The following DDC variants were observed in gnomAD, a reference collection of about 807,000 sequenced individuals.
The protein encoded by DDC is dopa decarboxylase.
Under a neutral mutation model 60.0 loss-of-function variants are expected in DDC, and 43 were observed. The observed-to-expected ratio is 0.72, with a 90% CI of 0.56 to 0.92. The LOEUF (loss-of-function observed/expected upper bound fraction) is 0.92, where lower values mean the gene tolerates loss of function less well. Among genes scored for constraint, DDC ranks in the 40% least tolerant of loss-of-function variants. The pLI, the probability that DDC is intolerant of heterozygous loss-of-function variation, is 0.00. For missense variants in DDC, 573 were observed against 620.2 expected, an observed-to-expected ratio of 0.92 and a Z score of 0.81; for synonymous variants, 232 against 234.6, an observed-to-expected ratio of 0.99 and a Z score of 0.10.
intron 12 of DDC, among the ~76,000 whole-genome samples, chr7:50,469,475 C>A (rs2042481026): frequency 6.6e-6 from 1 of 152,076 alleles, no homozygotes; most frequent in Admixed American, 6.5e-5. Context: ...AAAACACAGT[C>A]CTTATGTTCT....
At chr7:50,529,437 T>G in intron 4 of DDC, 95 bp from the exon 5 acceptor site, 1 of 1,495,810 alleles carries the variant, frequency 6.7e-7, no homozygotes, top group South Asian at 1.2e-5. Context: ...GTCCATAGTT[T>G]TCTTAAAATA....
intron 1 of DDC, among the ~76,000 whole-genome samples, chr7:50,555,423 C>T (rs560368393): frequency 6.6e-6 from 1 of 152,284 alleles, no homozygotes; most frequent in East Asian, 1.9e-4. Context: ...AAGGAAAGGA[C>T]TGTCCCAGGT....
At chr7:50,467,540 TTTC>T (rs2042425685) in intron 12 of DDC, among the ~76,000 whole-genome samples, 1 of 152,202 alleles carries the variant, frequency 6.6e-6, no homozygotes, top group South Asian at 2.1e-4. Context: ...CAATTGTCAT[TTTC>T]TTCTGTTCAT....
intron 1 of DDC, among the ~76,000 whole-genome samples, chr7:50,560,448 T>C (rs956703442): frequency 2.0e-5 from 3 of 152,200 alleles, no homozygotes; most frequent in African/African-American, 7.2e-5. Context: ...TGAGCACCTA[T>C]TGTGTGCCCG....
At chr7:50,496,703 T>A (rs1005582161) in intron 8 of DDC, among the ~76,000 whole-genome samples, 3 of 152,184 alleles carry the variant, frequency 2.0e-5, no homozygotes, top group African/African-American at 7.2e-5. Context: ...GGATTCATAA[T>A]TGATACCGAA....
intron 8 of DDC, among the ~76,000 whole-genome samples, chr7:50,497,006 G>C (rs1187884633): frequency 6.6e-6 from 1 of 152,222 alleles, no homozygotes; most frequent in Non-Finnish European, 1.5e-5. Flanking sequence ...GATAAAAGGA[G>C]ACAAAAGGTT....
chr7:50,470,031 C>T (rs1236376999), intron 12 of DDC, 42 bp downstream of exon 12: 2 of 1,244,982 alleles, frequency 1.6e-6, no homozygotes, highest in Non-Finnish European at 2.4e-6. Context: ...TCCCGAAAGA[C>T]CTCCGCAATT....
intron 1 of DDC, among the ~76,000 whole-genome samples, chr7:50,546,450 A>G (rs933457851): frequency 6.6e-6 from 1 of 152,182 alleles, no homozygotes; most frequent in Non-Finnish European, 1.5e-5. Flanking sequence ...GTGGAGGGGA[A>G]AAAGGAACTC....
At chr7:50,548,292 A>C (rs532746099) in intron 1 of DDC, among the ~76,000 whole-genome samples, 2 of 152,336 alleles carry the variant, frequency 1.3e-5, no homozygotes, top group East Asian at 3.9e-4. Flanking sequence ...TTTAAATCAA[A>C]AGCTAGAAAT....
intron 9 of DDC, among the ~76,000 whole-genome samples, chr7:50,495,055 A>G (rs545458196): frequency 1.3e-5 from 2 of 152,216 alleles, no homozygotes; most frequent in Non-Finnish European, 2.9e-5. Context: ...AACACAAGCT[A>G]CTGAATTAGA....
intron 9 of DDC, among the ~76,000 whole-genome samples, chr7:50,488,437 A>G (rs1012868050): frequency 1.1e-4 from 17 of 152,032 alleles, no homozygotes; most frequent in African/African-American, 3.9e-4. Context: ...ATTAAGTGGT[A>G]TTTTTGGTAA....
At chr7:50,510,652 G>A (rs1185043970) in intron 6 of DDC, among the ~76,000 whole-genome samples, 1 of 134,506 alleles carries the variant, frequency 7.4e-6, no homozygotes, top group Non-Finnish European at 1.5e-5. Context: ...CTGGGTGACA[G>A]AGTGAGACTC....
At chr7:50,533,071 A>G (rs573826390) in intron 4 of DDC, among the ~76,000 whole-genome samples, 12 of 152,338 alleles carry the variant, frequency 7.9e-5, no homozygotes, top group African/African-American at 2.9e-4. Flanking sequence ...ATAGAAAATC[A>G]TGGAGTAATA....
intron 13 of DDC, among the ~76,000 whole-genome samples, chr7:50,464,931 C>T (rs1411045169): frequency 3.3e-5 from 5 of 152,214 alleles, no homozygotes; most frequent in Non-Finnish European, 4.4e-5. Context: ...GTTTGACTAA[C>T]GCGCTTCCTC....
intron 1 of DDC, among the ~76,000 whole-genome samples, chr7:50,561,848 CCACACACACATG>C (rs1478688788): frequency 6.6e-6 from 1 of 152,098 alleles, no homozygotes; most frequent in Non-Finnish European, 1.5e-5. Context: ...CCTGCCCCGA[CCACACACACATG>C]CACACACACC....
chr7:50,469,821 A>G (rs2042487951), intron 12 of DDC, among the ~76,000 whole-genome samples: 1 of 152,112 alleles, frequency 6.6e-6, no homozygotes, highest in Non-Finnish European at 1.5e-5. Flanking sequence ...TCTACTTAAA[A>G]TACAAAAATT....
At chr7:50,531,578 G>C (rs1188272248) in intron 4 of DDC, among the ~76,000 whole-genome samples, 1 of 112,594 alleles carries the variant, frequency 8.9e-6, no homozygotes, top group African/African-American at 3.5e-5. Context: ...GCTTTTCTCT[G>C]GGGGGGGATG....
intron 4 of DDC, among the ~76,000 whole-genome samples, chr7:50,535,836 A>C (rs4245549): frequency 0.95 from 144,830 of 152,262 alleles, 68,970 homozygotes; most frequent in Non-Finnish European, 0.98. Context: ...AAGTTAAGAA[A>C]CTTGACTTGA....
Position 50,499,311 on chromosome 7 carries a change from G to C in DDC, c.782-69C>G, listed in dbSNP as rs140286060. Reference sequence around the variant, plus strand: ...ACCACGGAGCCTGCCAGCTGACCTCGCCCTGTCTGAGCACCTTCTTGGGTA... The same window carrying C: ...ACCACGGAGCCTGCCAGCTGACCTCCCCCTGTCTGAGCACCTTCTTGGGTA... On this transcript the variant is annotated intron_variant, in intron 7 of 14. Coordinates refer to ENST00000444124, the MANE Select transcript of DDC (RefSeq NM_001082971.2). 16 of 1,084,556 alleles carry C rather than the reference G, an allele frequency of 1.5e-5. 1 individual carries two copies. In the South Asian group the frequency reaches 2.1e-4, roughly 14 times the overall value. The allele number at this position is 1,084,556 out of a possible 1,614,324, so 67.2% of individuals were successfully genotyped here.
Sources: allele counts gnomAD v4.1 joint callset (sites outside exome capture counted in the v4.1 genomes callset), GRCh38; gene constraint gnomAD v4.1.1; transcripts MANE v1.5; gene names NCBI Gene and HGNC (gene_info 2026-07-23, HGNC 2026-07-21).